Variants in XXYLT1 observed in about 807,000 individuals in gnomAD.
XXYLT1 encodes UDP-xylose:alpha-xyloside alpha-1,3-xylosyltransferase.
XXYLT1 carries 20 observed loss-of-function variants against 28.9 expected under a neutral mutation model. The observed-to-expected ratio is 0.69, with a 90% CI of 0.49 to 1.00. XXYLT1 has a LOEUF of 1.00. Ranked by LOEUF, XXYLT1 falls within the 50% of genes least tolerant of loss-of-function variation. The probability of loss-of-function intolerance (pLI) is 0.00; values close to 1 mark genes in which losing one functional copy is unlikely to be tolerated. For synonymous variants in XXYLT1, 257 were observed against 253.8 expected, an observed-to-expected ratio of 1.01 and a Z score of -0.12; for missense variants, 542 against 560.1, an observed-to-expected ratio of 0.97 and a Z score of 0.33.
intron 3 of XXYLT1, among the ~76,000 whole-genome samples, chr3:195,155,321 G>T (rs1720506831): frequency 6.6e-6 from 1 of 152,204 alleles, no homozygotes; most frequent in Admixed American, 6.5e-5. Flanking sequence ...AGGTCGGCAG[G>T]GAGCCAGCAT....
chr3:195,130,533 T>C (rs540428660), intron 3 of XXYLT1, among the ~76,000 whole-genome samples: 1 of 152,328 alleles, frequency 6.6e-6, no homozygotes, highest in African/African-American at 2.4e-5. Flanking sequence ...GGAGAGGTGA[T>C]TCCTACTTAC....
chr3:195,270,644 G>A lies in XXYLT1; in HGVS notation c.415C>T (p.Leu139Phe). Residue 139 changes from leucine to phenylalanine, a missense_variant, in exon 1 of 4, where the codon CTT (leucine) becomes TTT (phenylalanine). Leu to Phe is a conservative substitution (Grantham distance 22). Transcript: ENST00000310380. ...CTGGCCTCCTCGCTCACGAAGTGAA[G>A]GTTAAGCACCTCGTGCGCCTCGAAC... is the stretch of plus-strand genomic sequence containing the variant. ...AKFEAHEVLN[L>F]HFVSEEASRE... 1.3e-6 allele frequency: 2 copies of A among 1,565,934 alleles called. No individual in the cohort carries two copies. The highest frequency in any genetic ancestry group is 2.3e-5 in the South Asian group (2 of 87,066).
Position 195,110,861 on chromosome 3 carries a change from G to GTGTGTGTGGTGTA in XXYLT1, c.786-40751_786-40750insTACACCACACACA, listed in dbSNP as rs1210419361. Among the ~76,000 whole-genome samples the GTGTGTGTGGTGTA allele has an allele frequency of 4.0e-3, 435 of 109,978 alleles. 6 individuals carry two copies. Among genetic ancestry groups the GTGTGTGTGGTGTA allele is most frequent in the African/African-American group, 0.014 (411 of 28,596 alleles). 72.1% of individuals were successfully genotyped at this position (109,978 alleles called of 152,430 possible). Reference sequence around the variant, plus strand: ...GGTGTGTTGTGTGTGTTGTATAAGTGTGTGTGTGGTGTGTGGTGTATGTGT... The same window carrying GTGTGTGTGGTGTA: ...GGTGTGTTGTGTGTGTTGTATAAGTGTGTGTGTGGTGTATGTGTGTGGTGTGTGGTGTATGTGT... On this transcript the variant is annotated intron_variant, in intron 3 of 3. Transcript: ENST00000310380.
intron 1 of XXYLT1, chr3:195,248,037 C>CATGTCAACTCCT: frequency 5.8e-6 from 3 of 518,512 alleles, no homozygotes; most frequent in South Asian, 2.5e-5. Context: ...ACAGCCAAAC[C>CATGTCAACTCCT]TTATCAGCCA....
intron 3 of XXYLT1, among the ~76,000 whole-genome samples, chr3:195,085,060 C>T (rs770399951): frequency 5.9e-5 from 9 of 152,204 alleles, no homozygotes; most frequent in Non-Finnish European, 7.3e-5. Context: ...TTCACGTGGA[C>T]GTAACCTTCT....
chr3:195,153,415 A>G (rs73079473), intron 3 of XXYLT1, among the ~76,000 whole-genome samples: 11,203 of 152,170 alleles, frequency 0.074, 1,398 homozygotes, highest in African/African-American at 0.26. Flanking sequence ...TGCAGACTCC[A>G]TTATTAAAGG....
Position 195,069,518 on chromosome 3 carries a change from C to T in XXYLT1, c.*197G>A. ...CTCCCTGGAGGAATAAGGTCCCAAG[C>T]ACCAGCAGTGCACAGGCCAGTCCTT... On this transcript the variant is annotated 3_prime_UTR_variant, in exon 4 of 4. Transcript: ENST00000310380. 2 of 696,654 alleles carry T rather than the reference C, an allele frequency of 2.9e-6. No individual in the cohort carries two copies. The highest frequency in any genetic ancestry group is 4.7e-6 in the Non-Finnish European group (2 of 430,060). The allele number at this position is 696,654 out of a possible 1,614,324, so 43.2% of individuals were successfully genotyped here.
chr3:195,185,880 C>T (rs1560141272), intron 2 of XXYLT1, among the ~76,000 whole-genome samples: 1 of 152,240 alleles, frequency 6.6e-6, no homozygotes, highest in African/African-American at 2.4e-5. Context: ...TTTCCCACCT[C>T]TCTTCAGTCA....
intron 2 of XXYLT1, among the ~76,000 whole-genome samples, chr3:195,158,945 G>C (rs1425767506): frequency 6.6e-6 from 1 of 152,226 alleles, no homozygotes; most frequent in East Asian, 1.9e-4. Flanking sequence ...GTGGGGGCAA[G>C]AGGGTTACAC....
chr3:195,261,649 G>A (rs1226815506), intron 1 of XXYLT1, among the ~76,000 whole-genome samples: 2 of 152,164 alleles, frequency 1.3e-5, no homozygotes. Flanking sequence ...CACCTTACAG[G>A]GTAAGGAGGG....
chr3:195,131,673 A>AGCAGGG (rs1307530320), intron 3 of XXYLT1, among the ~76,000 whole-genome samples: 1 of 152,220 alleles, frequency 6.6e-6, no homozygotes, highest in East Asian at 1.9e-4. Flanking sequence ...TCAGAGCACA[A>AGCAGGG]GCAGGGGCAG....
At chr3:195,208,973 G>T (rs1330251951) in intron 2 of XXYLT1, among the ~76,000 whole-genome samples, 1 of 152,200 alleles carries the variant, frequency 6.6e-6, no homozygotes, top group African/African-American at 2.4e-5. Context: ...ACAGGTCTGT[G>T]ATTAAGGACT....
intron 2 of XXYLT1, among the ~76,000 whole-genome samples, chr3:195,204,936 A>T (rs1240362781): frequency 6.6e-6 from 1 of 152,236 alleles, no homozygotes; most frequent in Non-Finnish European, 1.5e-5. Flanking sequence ...GATAATCCCA[A>T]TCACGCAAGA....
intron 1 of XXYLT1, among the ~76,000 whole-genome samples, chr3:195,259,189 T>A (rs1367568053): frequency 6.6e-6 from 1 of 152,256 alleles, no homozygotes; most frequent in Non-Finnish European, 1.5e-5. Flanking sequence ...CAGCAGAGGA[T>A]GGCTTAATCG....
chr3:195,162,171 G>C (rs968942296), intron 2 of XXYLT1, among the ~76,000 whole-genome samples: 1 of 152,076 alleles, frequency 6.6e-6, no homozygotes, highest in African/African-American at 2.4e-5. Flanking sequence ...CACGCAGCTG[G>C]TCAGTGGTAG....
chr3:195,142,911 C>A (rs955966090), intron 3 of XXYLT1, among the ~76,000 whole-genome samples: 2 of 152,216 alleles, frequency 1.3e-5, no homozygotes, highest in Non-Finnish European at 2.9e-5. Context: ...CCTGGCCAGG[C>A]CTTCAACCTC....
chr3:195,071,576 C>T (rs1374174471), intron 3 of XXYLT1, among the ~76,000 whole-genome samples: 1 of 152,186 alleles, frequency 6.6e-6, no homozygotes, highest in African/African-American at 2.4e-5. Context: ...TGGAACCGAG[C>T]TCTGGTGCCT....
At chr3:195,074,554 G>A (rs1301239144) in intron 3 of XXYLT1, among the ~76,000 whole-genome samples, 1 of 152,228 alleles carries the variant, frequency 6.6e-6, no homozygotes, top group African/African-American at 2.4e-5. Flanking sequence ...ACACTCAGCA[G>A]CTGTCCAGCA....
intron 3 of XXYLT1, chr3:195,095,614 G>A: frequency 6.5e-6 from 1 of 153,978 alleles, no homozygotes; most frequent in Non-Finnish European, 1.5e-5. Context: ...TTTGTCACCT[G>A]TGTGCTTATG....
Sources: allele counts gnomAD v4.1 joint callset (sites outside exome capture counted in the v4.1 genomes callset), GRCh38; gene constraint gnomAD v4.1.1; transcripts MANE v1.5; gene names NCBI Gene and HGNC (gene_info 2026-07-23, HGNC 2026-07-21).